The following ACP3 variants were observed in gnomAD, a reference collection of about 807,000 sequenced individuals.
ACP3 encodes acid phosphatase 3.
A neutral mutation model predicts 45.6 loss-of-function variants in ACP3; 38 were observed. The observed-to-expected ratio is 0.83, with a 90% confidence interval of 0.64 to 1.09. The LOEUF (loss-of-function observed/expected upper bound fraction) is 1.09. Ranked by LOEUF, ACP3 falls within the 50% of genes least tolerant of loss-of-function variation. The pLI is 0.00. For synonymous variants in ACP3, 162 were observed against 164.7 expected (o/e 0.98, Z 0.13); for missense variants, 466 against 463.2 (o/e 1.01, Z -0.05).
Position 132,342,636 on chromosome 3 carries a change from T to C in ACP3, c.640T>C (p.Tyr214His), listed in dbSNP as rs1937565251. 1 of 1,588,418 alleles carries C rather than the reference T, an allele frequency of 6.3e-7. No individual in the cohort carries two copies. The highest frequency in any genetic ancestry group is 2.2e-5 in the East Asian group (1 of 44,486). The change falls in exon 6 of 10, where the codon TAT (tyrosine) becomes CAT (histidine). Residue 214 changes from tyrosine to histidine, a missense_variant. Transcript: ENST00000336375. ...TTGGAGTAAAGTCTACGACCCTTTA[T>C]ATTGTGAGGTAAAAGAAAAAAAAAT... The part of the protein sequence containing the change: ...GIWSKVYDPL[Y>H]CESVHNFTLP...
In ACP3 at chr3:132,317,488, C is replaced by T. The variant is rs1212369312; in HGVS notation, c.32C>T (p.Ala11Val). 1 of 1,613,630 alleles carries T rather than the reference C, an allele frequency of 6.2e-7. No individual in the cohort carries two copies. The highest frequency in any genetic ancestry group is 1.7e-5 in the Admixed American group (1 of 59,978). The change falls in exon 1 of 10, where the codon GCA becomes GTA. Residue 11 changes from alanine to valine, a missense_variant. Physicochemically the swap from Ala to Val is moderately conservative, Grantham distance 64. Coordinates refer to ENST00000336375, the MANE Select transcript of ACP3 (RefSeq NM_001099.5). MRAAPLLLAR[A>V]ASLSLGFLFL... Reference sequence around the variant, plus strand: ...GCTGCACCCCTCCTCCTGGCCAGGGCAGCAAGCCTTAGCCTTGGCTTCTTG... The same window carrying T: ...GCTGCACCCCTCCTCCTGGCCAGGGTAGCAAGCCTTAGCCTTGGCTTCTTG...
chr3:132,346,574 G>A (rs55870712), intron 7 of ACP3, among the ~76,000 whole-genome samples: 72,213 of 151,962 alleles, frequency 0.48, 17,966 homozygotes, highest in Middle Eastern at 0.66. Flanking sequence ...ATTACCAGGC[G>A]GGATACAGAC....
intron 1 of ACP3, among the ~76,000 whole-genome samples, chr3:132,318,402 G>A (rs1257009281): frequency 6.6e-6 from 1 of 151,718 alleles, no homozygotes; most frequent in African/African-American, 2.4e-5. Flanking sequence ...GTGAAAGTGG[G>A]CTGATAAGTA....
chr3:132,332,343 A>G lies in ACP3; in HGVS notation c.455A>G (p.Gln152Arg). 6.2e-7 allele frequency: 1 copy of G among 1,614,106 alleles called. No individual in the cohort carries two copies. The highest frequency in any genetic ancestry group is 8.5e-7 in the Non-Finnish European group (1 of 1,179,970). ...PVHTVPLSED[Q>R]LLYLPFRNCP... ...CACACAGTTCCTCTTTCTGAAGATC[A>G]GGTCAGTATACTGGGAAAACCAGGA... is the stretch of plus-strand genomic sequence containing the variant. Residue 152 changes from glutamine to arginine, a missense_variant and splice_region_variant, in exon 4 of 10, where the codon CAG becomes CGG. By Grantham distance (43) the Gln-to-Arg change is conservative. Transcript: ENST00000336375.
At chr3:132,359,241 G>C (rs1937987225), downstream of ACP3, among the ~76,000 whole-genome samples, 1 of 152,208 alleles carries the variant, frequency 6.6e-6, no homozygotes, top group South Asian at 2.1e-4. Flanking sequence ...GGCCAGGCGA[G>C]GTGGCTCAGG....
intron 5 of ACP3, among the ~76,000 whole-genome samples, chr3:132,340,443 T>C (rs1192461564): frequency 2.0e-5 from 3 of 152,210 alleles, no homozygotes; most frequent in Non-Finnish European, 2.9e-5. Context: ...ATCAATGTAT[T>C]CTTATATGGC....
At position 132,332,314 on chromosome 3, in the gene ACP3, G is replaced by A. The variant is rs779443094; in HGVS notation, c.426G>A (p.Pro142=). Reference sequence around the variant, plus strand: ...CTATCCTACTCTGGCAGCCCATCCCGGTGCACACAGTTCCTCTTTCTGAAG... The same window carrying A: ...CTATCCTACTCTGGCAGCCCATCCCAGTGCACACAGTTCCTCTTTCTGAAG... ...WNPILLWQPI[P]VHTVPLSEDQ... is the part of the protein sequence containing the mutation. The change falls in exon 4 of 10, where the codon CCG becomes CCA. Residue 142 remains proline (P), a synonymous_variant. Coordinates refer to ENST00000336375, the MANE Select transcript of ACP3 (RefSeq NM_001099.5). The A allele has an allele frequency of 4.8e-5, 78 of 1,614,030 alleles. No individual in the cohort carries two copies. Among genetic ancestry groups the A allele is most frequent in the South Asian group, 6.6e-5 (6 of 91,076 alleles).
intron 8 of ACP3, among the ~76,000 whole-genome samples, chr3:132,351,111 A>C (rs1394127330): frequency 6.6e-6 from 1 of 152,176 alleles, no homozygotes; most frequent in Non-Finnish European, 1.5e-5. Flanking sequence ...TGGGCCAGGC[A>C]AATGTACTGA....
At chr3:132,347,234 A>T (rs1176552013) in intron 7 of ACP3, among the ~76,000 whole-genome samples, 1 of 152,230 alleles carries the variant, frequency 6.6e-6, no homozygotes. Context: ...ATTGTTAAGC[A>T]GGAAAATTTC....
chr3:132,365,122 A>C (rs1308923672), intron 10 of ACP3, among the ~76,000 whole-genome samples: 1 of 152,262 alleles, frequency 6.6e-6, no homozygotes, highest in African/African-American at 2.4e-5. Context: ...TTCTACAAAC[A>C]TTTATTAGTA....
chr3:132,332,983 T>C (rs1489888157), intron 4 of ACP3, among the ~76,000 whole-genome samples: 1 of 152,120 alleles, frequency 6.6e-6, no homozygotes, highest in African/African-American at 2.4e-5. Context: ...CTAGGCCTAT[T>C]TCATTCCAGA....
chr3:132,354,676 AT>A (rs1293585599), intron 9 of ACP3, among the ~76,000 whole-genome samples: 1 of 152,196 alleles, frequency 6.6e-6, no homozygotes, highest in Non-Finnish European at 1.5e-5. Flanking sequence ...AGTATTTTAG[AT>A]TTTCAACCAT....
Position 132,337,500 on chromosome 3 carries a change from T to C in ACP3, c.501T>C (p.Leu167=). The C allele has an allele frequency of 6.2e-7, 1 of 1,611,704 alleles. No individual in the cohort carries two copies. Residue 167 remains leucine (L), a synonymous_variant, in exon 5 of 10, where the codon CTT becomes CTC. Coordinates refer to ENST00000336375, the MANE Select transcript of ACP3 (RefSeq NM_001099.5). ...GGAACTGCCCTCGTTTTCAAGAACT[T>C]GAGAGTGAGACTTTGAAATCAGAGG... ...PFRNCPRFQE[L]ESETLKSEEF...
At chr3:132,347,696 C>T (rs1937627700) in intron 7 of ACP3, among the ~76,000 whole-genome samples, 1 of 151,876 alleles carries the variant, frequency 6.6e-6, no homozygotes, top group Admixed American at 6.6e-5. Flanking sequence ...GTTGCCCAGG[C>T]TAGTCTTGAA....
At chr3:132,350,073 C>CT (rs1243287878) in intron 8 of ACP3, 71 bp downstream of exon 8, 105 of 1,105,416 alleles carry the variant, frequency 9.5e-5, no homozygotes, top group Non-Finnish European at 1.1e-4. Flanking sequence ...AGGACCTCAT[C>CT]TTTTTTTAAT....
intron 4 of ACP3, chr3:132,332,646 A>C (rs1278837385): frequency 1.4e-5 from 4 of 280,560 alleles, no homozygotes; most frequent in Non-Finnish European, 2.7e-5. Flanking sequence ...GAGATAGACA[A>C]GTCCCCCAGT....
intron 5 of ACP3, 98 bp from the exon 6 acceptor site, chr3:132,342,454 G>C (rs1559836481): frequency 1.3e-6 from 1 of 790,440 alleles, no homozygotes; most frequent in Non-Finnish European, 2.1e-6. Context: ...ATGCACAGGA[G>C]AGCTCCCTAC....
intron 8 of ACP3, among the ~76,000 whole-genome samples, chr3:132,351,296 A>G (rs9790218): frequency 0.48 from 72,362 of 152,084 alleles, 18,007 homozygotes; most frequent in Middle Eastern, 0.65. Context: ...TGGAGAAGCC[A>G]GGGAGAGAAG....
chr3:132,330,885 C>T (rs967731040), intron 2 of ACP3, among the ~76,000 whole-genome samples: 10 of 152,210 alleles, frequency 6.6e-5, no homozygotes, highest in African/African-American at 2.4e-4. Context: ...CACTCAGGAA[C>T]TAATGAGCTG....
Sources: allele counts gnomAD v4.1 joint callset (sites outside exome capture counted in the v4.1 genomes callset), GRCh38; gene constraint gnomAD v4.1.1; transcripts MANE v1.5; gene names NCBI Gene and HGNC (gene_info 2026-07-23, HGNC 2026-07-21).